The following BAG3 variants were observed in gnomAD, a reference collection of about 807,000 sequenced individuals.
BAG3 encodes the protein BAG cochaperone 3, also known as BAG family molecular chaperone regulator 3.
Under a neutral mutation model 40.5 loss-of-function variants are expected in BAG3, and 14 were observed. That is an observed-to-expected ratio of 0.35 (90% CI 0.23 to 0.54). BAG3 has a LOEUF of 0.54. Ranked by LOEUF, BAG3 falls within the 20% of genes least tolerant of loss-of-function variation. The probability of loss-of-function intolerance (pLI) is 0.91; values close to 1 mark genes in which losing one functional copy is unlikely to be tolerated. For missense variants in BAG3, 788 were observed against 758.6 expected (o/e 1.04, Z -0.46); for synonymous variants, 302 against 307.8 (o/e 0.98, Z 0.20).
At chr10:119,675,808 CCT>C (rs1847215996) in intron 3 of BAG3, among the ~76,000 whole-genome samples, 4 of 76,036 alleles carry the variant, frequency 5.3e-5, no homozygotes, top group African/African-American at 1.1e-4. Context: ...CCCCTTCCCC[CCT>C]TCCCTGCTTC....
At chr10:119,653,670 C>T (rs904627778) in intron 1 of BAG3, among the ~76,000 whole-genome samples, 6 of 152,146 alleles carry the variant, frequency 3.9e-5, no homozygotes, top group Admixed American at 6.5e-5. Context: ...GAAAATTTCA[C>T]GGTCAAAATT....
At chr10:119,670,286 C>T in intron 2 of BAG3, 109 bp downstream of exon 2, 1 of 1,234,652 alleles carries the variant, frequency 8.1e-7, no homozygotes, top group Non-Finnish European at 1.1e-6. Flanking sequence ...TGTTCACATG[C>T]AGGGCATCTG....
At chr10:119,656,296 C>T (rs1564768624) in intron 1 of BAG3, among the ~76,000 whole-genome samples, 1 of 152,136 alleles carries the variant, frequency 6.6e-6, no homozygotes, top group East Asian at 1.9e-4. Context: ...ATTCTCCAGC[C>T]CCTCCTGGGT....
At chr10:119,675,814 CTGCTT>C (rs1400678041) in intron 3 of BAG3, among the ~76,000 whole-genome samples, 4 of 62,656 alleles carry the variant, frequency 6.4e-5, no homozygotes, top group Admixed American at 1.8e-4. Flanking sequence ...CCCCCCTTCC[CTGCTT>C]CCTTCCCCCT....
intron 1 of BAG3, among the ~76,000 whole-genome samples, chr10:119,659,821 T>G (rs985864046): frequency 6.6e-6 from 1 of 152,254 alleles, no homozygotes; most frequent in African/African-American, 2.4e-5. Flanking sequence ...TTTCCTTGAC[T>G]CTGTCTAAAT....
chr10:119,663,040 C>T (rs1198954667), intron 1 of BAG3, among the ~76,000 whole-genome samples: 1 of 152,160 alleles, frequency 6.6e-6, no homozygotes, highest in Non-Finnish European at 1.5e-5. Context: ...ATAAAGAGCA[C>T]TGTACCATGG....
chr10:119,673,378 CAT>C (rs1847179132), intron 3 of BAG3, among the ~76,000 whole-genome samples: 1 of 152,214 alleles, frequency 6.6e-6, no homozygotes, highest in Admixed American at 6.5e-5. Context: ...AATCAGGTAC[CAT>C]GTGGTCTGGC....
intron 1 of BAG3, chr10:119,657,461 G>T (rs1455329343): frequency 2.2e-6 from 1 of 461,146 alleles, no homozygotes; most frequent in Non-Finnish European, 4.5e-6. Flanking sequence ...GCCTGGCAGG[G>T]TCCACAGGCT....
At chr10:119,661,325 T>G (rs1846989182) in intron 1 of BAG3, among the ~76,000 whole-genome samples, 1 of 152,146 alleles carries the variant, frequency 6.6e-6, no homozygotes, top group East Asian at 1.9e-4. Context: ...GCTCAGAGTT[T>G]ACAAAGACTT....
In BAG3 at chr10:119,651,788, T is replaced by C; in HGVS notation, c.113T>C (p.Phe38Ser). 2 of 1,602,382 alleles carry C rather than the reference T, an allele frequency of 1.2e-6. No individual in the cohort carries two copies. Among genetic ancestry groups the C allele is most frequent in the East Asian group, 4.5e-5 (2 of 44,196 alleles). The part of the protein sequence containing the change: ...IKIDPQTGWP[F>S]FVDHNSRTTT... ...ATCGACCCGCAGACCGGCTGGCCCT[T>C]CTTCGTGGACCACAACAGCCGCACC... The change falls in exon 1 of 4, where the codon TTC becomes TCC. Residue 38 changes from phenylalanine (F) to serine (S), a missense_variant. Physicochemically the swap from Phe to Ser is radical, Grantham distance 155 (BLOSUM62 -2). Coordinates refer to ENST00000369085, the MANE Select transcript of BAG3 (RefSeq NM_004281.4).
chr10:119,672,161 G>A lies in BAG3; in HGVS notation c.508-94G>A, dbSNP rs780117672. ...GATAGGAGGTCTTACAATATGGATT[G>A]CCCTGAGGAGGTGCACAGCAGAAGG... On this transcript the variant is annotated intron_variant, in intron 2 of 3. Coordinates refer to ENST00000369085, the MANE Select transcript of BAG3 (RefSeq NM_004281.4). The surrounding 1 kb of genome is among the most constrained non-coding windows in gnomAD (Gnocchi z 4.8). 6.7e-7 allele frequency: 1 copy of A among 1,495,802 alleles called. No individual in the cohort carries two copies. Among genetic ancestry groups the A allele is most frequent in the Admixed American group, 1.7e-5 (1 of 59,814 alleles). 92.7% of individuals were successfully genotyped at this position (1,495,802 alleles called of 1,614,324 possible).
intron 1 of BAG3, among the ~76,000 whole-genome samples, chr10:119,664,623 C>T (rs1167886445): frequency 4.6e-5 from 7 of 152,046 alleles, no homozygotes; most frequent in Admixed American, 2.0e-4. Context: ...CAGAGCTGTC[C>T]CCCCAACTTT....
chr10:119,664,286 A>G (rs1158495858), intron 1 of BAG3, among the ~76,000 whole-genome samples: 3 of 152,124 alleles, frequency 2.0e-5, no homozygotes, highest in African/African-American at 4.8e-5. Flanking sequence ...CCTGCTTTCT[A>G]TCTTGGCCAT....
At chr10:119,668,307 T>C (rs1847094723) in intron 1 of BAG3, among the ~76,000 whole-genome samples, 1 of 152,218 alleles carries the variant, frequency 6.6e-6, no homozygotes, top group Non-Finnish European at 1.5e-5. Flanking sequence ...GAATTAATGG[T>C]CTGTTCTCTC....
chr10:119,670,042 T>G lies in BAG3; in HGVS notation c.372T>G (p.Thr124=), dbSNP rs766084373. 3.1e-6 allele frequency: 5 copies of G among 1,614,102 alleles called. No individual in the cohort carries two copies. Among genetic ancestry groups the G allele is most frequent in the South Asian group, 1.1e-5 (1 of 91,094 alleles). The change falls in exon 2 of 4, where the codon ACT becomes ACG. Residue 124 remains threonine, a synonymous_variant. Transcript: ENST00000369085. ...AGCCTGGGATGCAGCGATTCCGAAC[T>G]GAGGCGGCAGCAGCGGCTCCTCAGA... The part of the protein sequence containing the change: ...YPQPGMQRFR[T]EAAAAAPQRS...
At position 119,652,211 on chromosome 10, in the gene BAG3, C is replaced by G. The variant is rs527784557; in HGVS notation, c.180+356C>G. On this transcript the variant is annotated intron_variant, in intron 1 of 3. Transcript: ENST00000369085. Reference sequence around the variant, plus strand: ...CTGGGAGAGGGGCGGCCGGCCTGGTCAGCTCCGGAGGCCCCGGCCCACCGT... The same window carrying G: ...CTGGGAGAGGGGCGGCCGGCCTGGTGAGCTCCGGAGGCCCCGGCCCACCGT... 7.9e-5 allele frequency among the ~76,000 whole-genome samples: 12 copies of G among 152,130 alleles called. No individual in the cohort carries two copies. In the South Asian group the frequency reaches 2.5e-3, roughly 32 times the overall value.
chr10:119,676,850 A>G lies in BAG3; in HGVS notation c.1296A>G (p.Val432=), dbSNP rs196295. ...AAGTGGAAGCCATCCTGGAGAAGGT[A>G]CAGGGGCTGGAGCAGGCTGTAGACA... ...VLKVEAILEK[V]QGLEQAVDNF... Residue 432 remains valine, a synonymous_variant, in exon 4 of 4, where the codon GTA becomes GTG. Coordinates refer to ENST00000369085, the MANE Select transcript of BAG3 (RefSeq NM_004281.4). 1,240,052 of 1,613,978 alleles carry G rather than the reference A, an allele frequency of 0.77. 478,889 individuals carry two copies. Among genetic ancestry groups the G allele is most frequent in the Middle Eastern group, 0.8 (4,849 of 6,062 alleles).
At chr10:119,666,520 C>T in intron 1 of BAG3, among the ~76,000 whole-genome samples, 1 of 99,258 alleles carries the variant, frequency 1.0e-5, no homozygotes, top group East Asian at 2.5e-4. Flanking sequence ...TCTTATTCCC[C>T]TTCTCTTTTT....
chr10:119,656,447 C>T (rs1407627386), intron 1 of BAG3, among the ~76,000 whole-genome samples: 6 of 142,244 alleles, frequency 4.2e-5, no homozygotes, highest in Non-Finnish European at 7.5e-5. Flanking sequence ...GTAGTGCGAT[C>T]TTGGCTCACT....
Sources: gnomAD v4.1 joint callset for allele counts (sites outside exome capture counted in the v4.1 genomes callset) on GRCh38, gnomAD v4.1.1 for gene constraint, Gnocchi (gnomAD v3.1) non-coding constraint, MANE v1.5 for transcripts, NCBI Gene and HGNC (gene_info 2026-07-23, HGNC 2026-07-21) for gene names.